Variants in NFIL3 observed in about 807,000 individuals in gnomAD.
NFIL3 encodes nuclear factor interleukin-3-regulated protein.
NFIL3 carries 5 observed loss-of-function variants against 10.0 expected under a neutral mutation model. The observed-to-expected ratio is 0.50, with a 90% CI of 0.26 to 1.06. The LOEUF (loss-of-function observed/expected upper bound fraction) is 1.06, where lower values mean the gene tolerates loss of function less well. Ranked by LOEUF, NFIL3 falls within the 50% of genes least tolerant of loss-of-function variation. The pLI, the probability that NFIL3 is intolerant of heterozygous loss-of-function variation, is 0.13. For missense variants in NFIL3, 436 were observed against 547.6 expected (o/e 0.80, Z 2.03); for synonymous variants, 202 against 206.5 (o/e 0.98, Z 0.19).
At chr9:91,427,768 G>C (rs1364860366), upstream of NFIL3, among the ~76,000 whole-genome samples, 1 of 151,996 alleles carries the variant, frequency 6.6e-6, no homozygotes, top group Non-Finnish European at 1.5e-5. Context: ...AGCCTTCCAA[G>C]TAGCTGGGAT....
the NFIL3 span, among the ~76,000 whole-genome samples, chr9:91,449,159 C>T: frequency 6.6e-6 from 1 of 152,042 alleles, no homozygotes; most frequent in East Asian, 1.9e-4. Flanking sequence ...ATGCCATTTG[C>T]AAATAAATAT....
At chr9:91,420,062 T>C (rs980544590) in intron 1 of NFIL3, among the ~76,000 whole-genome samples, 3 of 152,124 alleles carry the variant, frequency 2.0e-5, no homozygotes, top group Non-Finnish European at 1.5e-5. Context: ...AGCTGAGCTA[T>C]TAATATGGCA....
chr9:91,445,338 A>G, the NFIL3 span, among the ~76,000 whole-genome samples: 1 of 152,198 alleles, frequency 6.6e-6, no homozygotes, highest in African/African-American at 2.4e-5. Flanking sequence ...CTGTGAGGCC[A>G]GTTGTTGCAG....
intron 1 of NFIL3, 122 bp from the exon 2 acceptor site, chr9:91,411,028 TTC>T (rs1380245451): frequency 9.4e-6 from 4 of 424,748 alleles, no homozygotes; most frequent in African/African-American, 8.2e-5. Context: ...ATGGCCACAG[TTC>T]TTTCTTTCAA....
intron 1 of NFIL3, among the ~76,000 whole-genome samples, chr9:91,421,387 T>C (rs1833763675): frequency 6.6e-6 from 1 of 150,386 alleles, no homozygotes; most frequent in African/African-American, 2.5e-5. Context: ...TCCCTCCGGG[T>C]GGGCGGCGCA....
upstream of NFIL3, chr9:91,427,199 T>C (rs1011190391): frequency 2.0e-5 from 3 of 151,456 alleles, no homozygotes; most frequent in Non-Finnish European, 3.0e-5. Flanking sequence ...TTTGGTAAAA[T>C]ATCCTGATTT....
chr9:91,465,423 T>C, the NFIL3 span, among the ~76,000 whole-genome samples: 1 of 152,186 alleles, frequency 6.6e-6, no homozygotes, highest in Admixed American at 6.5e-5. Context: ...CAGTGTTTTT[T>C]ACTTCTAGAA....
chr9:91,422,066 G>A (rs1309119269), intron 1 of NFIL3, among the ~76,000 whole-genome samples: 1 of 152,142 alleles, frequency 6.6e-6, no homozygotes, highest in East Asian at 1.9e-4. Context: ...CTCACTTACT[G>A]TTGTTATTTA....
At chr9:91,427,048 T>C (rs1030733164), upstream of NFIL3, 2 of 150,914 alleles carry the variant, frequency 1.3e-5, no homozygotes, top group African/African-American at 4.9e-5. Flanking sequence ...AGCCCACAGC[T>C]CCAATTACTC....
chr9:91,410,844 T>A lies in NFIL3; in HGVS notation c.-110A>T. ...AAATCCATCAATATTCTTCCTTTTG[T>A]TCTACCGTCTGGGATAAATCCGTCA... On this transcript the variant is annotated 5_prime_UTR_variant, in exon 2 of 2. Transcript: ENST00000297689. The surrounding 1 kb of genome is among the most constrained non-coding windows in gnomAD (Gnocchi z 5.7). 8.4e-7 allele frequency: 1 copy of A among 1,191,998 alleles called. No individual in the cohort carries two copies. The highest frequency in any genetic ancestry group is 1.2e-6 in the Non-Finnish European group (1 of 862,498). 73.8% of individuals were successfully genotyped at this position (1,191,998 alleles called of 1,614,324 possible).
the NFIL3 span, among the ~76,000 whole-genome samples, chr9:91,462,284 A>G: frequency 6.6e-6 from 1 of 152,122 alleles, no homozygotes; most frequent in Non-Finnish European, 1.5e-5. Context: ...TCCTTGCCTT[A>G]TTCCTGATCT....
Position 91,409,332 on chromosome 9 carries a change from TACTC to T in NFIL3, c.*10_*13del, listed in dbSNP as rs750038239. 4 of 1,537,386 alleles carry T rather than the reference TACTC, an allele frequency of 2.6e-6. No individual in the cohort carries two copies. The highest frequency in any genetic ancestry group is 2.3e-5 in the East Asian group (1 of 44,276). On this transcript the variant is annotated 3_prime_UTR_variant, in exon 2 of 2. Coordinates refer to ENST00000297689, the MANE Select transcript of NFIL3 (RefSeq NM_005384.3). Reference sequence around the variant, plus strand: ...GACATCTTTCTAAATGCCCAGCTCTTACTCAGTAGTAATTTACCCAGAGTCTGAA... The same window carrying T: ...GACATCTTTCTAAATGCCCAGCTCTTAGTAGTAATTTACCCAGAGTCTGAA...
chr9:91,419,118 T>C (rs1311066829), intron 1 of NFIL3, among the ~76,000 whole-genome samples: 1 of 152,186 alleles, frequency 6.6e-6, no homozygotes, highest in African/African-American at 2.4e-5. Flanking sequence ...AAGAAATGAA[T>C]ATTAAAGGCA....
At chr9:91,462,817 GT>G in the NFIL3 span, among the ~76,000 whole-genome samples, 4 of 108,208 alleles carry the variant, frequency 3.7e-5, no homozygotes, top group African/African-American at 7.3e-5. Flanking sequence ...AAGGCCCAAT[GT>G]TTTTTTTGGG....
At chr9:91,482,800 C>A in the NFIL3 span, among the ~76,000 whole-genome samples, 1 of 152,104 alleles carries the variant, frequency 6.6e-6, no homozygotes, top group Non-Finnish European at 1.5e-5. Context: ...CCATGCCCAG[C>A]CTCCTAACTG....
chr9:91,434,776 A>T, the NFIL3 span, among the ~76,000 whole-genome samples: 5 of 152,366 alleles, frequency 3.3e-5, no homozygotes, highest in East Asian at 5.8e-4. Context: ...AATCAAGTGC[A>T]CCTAGACTTC....
the NFIL3 span, among the ~76,000 whole-genome samples, chr9:91,465,991 G>A: frequency 6.6e-6 from 1 of 151,990 alleles, no homozygotes; most frequent in Non-Finnish European, 1.5e-5. Flanking sequence ...GTGTGTGTGT[G>A]TATGTGTGGG....
chr9:91,423,097 T>C (rs888745648), intron 1 of NFIL3, among the ~76,000 whole-genome samples: 2 of 152,156 alleles, frequency 1.3e-5, no homozygotes, highest in African/African-American at 4.8e-5. Flanking sequence ...ACACAGCCCC[T>C]GACACAAACA....
the NFIL3 span, among the ~76,000 whole-genome samples, chr9:91,454,298 G>GCAAA: frequency 1.1e-4 from 16 of 150,026 alleles, no homozygotes; most frequent in Admixed American, 1.0e-3. Context: ...CTAAGCACAA[G>GCAAA]CAAACAAGGC....
Sources: gnomAD v4.1 joint callset for allele counts (sites outside exome capture counted in the v4.1 genomes callset) on GRCh38, gnomAD v4.1.1 for gene constraint, Gnocchi (gnomAD v3.1) non-coding constraint, MANE v1.5 for transcripts, NCBI Gene and HGNC (gene_info 2026-07-23, HGNC 2026-07-21) for gene names.